The following SLC37A3 variants were observed in gnomAD, a reference collection of about 807,000 sequenced individuals.
The protein encoded by SLC37A3 is sugar phosphate exchanger 3.
In SLC37A3, 51 loss-of-function variants were observed where a neutral mutation model predicts 67.1. That is an observed-to-expected ratio of 0.76 (90% CI 0.61 to 0.96). The LOEUF is 0.96. SLC37A3 is among the 40% of genes least tolerant of loss of function. The pLI, the probability that SLC37A3 is intolerant of heterozygous loss-of-function variation, is 0.00. For synonymous variants in SLC37A3, 214 were observed against 231.4 expected (o/e 0.92, Z 0.68); for missense variants, 508 against 603.0 (o/e 0.84, Z 1.65).
At chr7:140,340,294 T>C (rs1402327946) in intron 13 of SLC37A3, among the ~76,000 whole-genome samples, 5 of 80,638 alleles carry the variant, frequency 6.2e-5, no homozygotes, top group African/African-American at 2.4e-4. Context: ...AACCTCATTC[T>C]TTTTTTTTTT....
chr7:140,339,894 G>A (rs1176579850), intron 13 of SLC37A3, among the ~76,000 whole-genome samples: 2 of 152,008 alleles, frequency 1.3e-5, no homozygotes, highest in South Asian at 2.1e-4. Context: ...CCGCCACAAC[G>A]CCCAGCCAAT....
At chr7:140,368,114 C>T (rs1315968669) in intron 4 of SLC37A3, among the ~76,000 whole-genome samples, 2 of 151,850 alleles carry the variant, frequency 1.3e-5, no homozygotes, top group East Asian at 3.9e-4. Context: ...GCGCCCAGCC[C>T]CACCTTTCTT....
intron 13 of SLC37A3, among the ~76,000 whole-genome samples, chr7:140,339,928 CG>C (rs1431484355): frequency 1.3e-5 from 2 of 151,962 alleles, no homozygotes; most frequent in African/African-American, 4.8e-5. Context: ...TTAGTAGAGA[CG>C]GGGTTTCACC....
chr7:140,364,688 A>G (rs567650560), intron 4 of SLC37A3, among the ~76,000 whole-genome samples, 197 bp from the exon 5 acceptor site: 2 of 152,192 alleles, frequency 1.3e-5, no homozygotes, highest in South Asian at 4.2e-4. Flanking sequence ...GGTCAGTAAT[A>G]CAGTGAAAAC....
chr7:140,362,747 G>A (rs1403205167), intron 5 of SLC37A3, among the ~76,000 whole-genome samples: 1 of 85,068 alleles, frequency 1.2e-5, no homozygotes, highest in Non-Finnish European at 2.5e-5. Context: ...CCCCCCACCC[G>A]GCCAGCCGCC....
chr7:140,361,939 G>A (rs1014021484), intron 5 of SLC37A3, among the ~76,000 whole-genome samples: 1 of 145,670 alleles, frequency 6.9e-6, no homozygotes, highest in Non-Finnish European at 1.5e-5. Flanking sequence ...GCCCCCCAAA[G>A]TGCCGAGATT....
At chr7:140,388,367 C>T (rs977835872) in intron 1 of SLC37A3, among the ~76,000 whole-genome samples, 4 of 146,684 alleles carry the variant, frequency 2.7e-5, no homozygotes, top group Non-Finnish European at 4.5e-5. Context: ...TGGGAGGTAG[C>T]GGTTTCAGTG....
intron 1 of SLC37A3, among the ~76,000 whole-genome samples, chr7:140,388,473 G>GA (rs11430425): frequency 0.37 from 52,151 of 141,508 alleles, 9,591 homozygotes; most frequent in Middle Eastern, 0.45. Context: ...ATTCTCTCCA[G>GA]AAAAAAAAAA....
rs1019797137 is a variant in SLC37A3 at position 140,334,591 on chromosome 7, G to C, written c.*821C>G. On this transcript the variant is annotated 3_prime_UTR_variant, in exon 15 of 15. Transcript: ENST00000326232. The stretch of plus-strand genomic sequence containing the variant: ...CAACAAATCTGGGATGGAGTGCTTC[G>C]GCTGTGAGTTACACGTCGGAATGTT... The C allele has an allele frequency of 6.6e-6, 1 of 152,558 alleles. No homozygotes were observed. The highest frequency in any genetic ancestry group is 2.4e-5 in the African/African-American group (1 of 41,418). 9.5% of individuals were successfully genotyped at this position (152,558 alleles called of 1,614,324 possible). A position where few individuals can be genotyped will look rare whatever the true frequency, so the allele number is the denominator to read the frequency against.
At chr7:140,351,571 AG>A (rs1796803173) in intron 8 of SLC37A3, 120 bp from the exon 9 acceptor site, 1 of 1,050,490 alleles carries the variant, frequency 9.5e-7, no homozygotes. Context: ...GCAGCAACGA[AG>A]GTCCAGAGAC....
At chr7:140,342,986 AGGAAG>A (rs967632462) in intron 13 of SLC37A3, among the ~76,000 whole-genome samples, 8 of 152,200 alleles carry the variant, frequency 5.3e-5, no homozygotes, top group Admixed American at 4.6e-4. Context: ...GGCGGGGCCC[AGGAAG>A]GAACGTGTAT....
At chr7:140,352,894 A>G (rs1796870578) in intron 7 of SLC37A3, among the ~76,000 whole-genome samples, 1 of 152,144 alleles carries the variant, frequency 6.6e-6, no homozygotes, top group Non-Finnish European at 1.5e-5. Flanking sequence ...GAATTTTTAA[A>G]CCGATGAGTG....
intron 3 of SLC37A3, among the ~76,000 whole-genome samples, chr7:140,377,895 A>C (rs779915618): frequency 1.3e-5 from 2 of 152,076 alleles, no homozygotes; most frequent in African/African-American, 2.4e-5. Flanking sequence ...AAATTTTTTT[A>C]TTTAAAATTA....
chr7:140,381,891 G>A (rs1798267420), intron 2 of SLC37A3, among the ~76,000 whole-genome samples: 1 of 151,714 alleles, frequency 6.6e-6, no homozygotes, highest in African/African-American at 2.4e-5. Flanking sequence ...ACACGCACCT[G>A]TAATCCCAGC....
chr7:140,352,308 C>T lies in SLC37A3; in HGVS notation c.619-162G>A, dbSNP rs562488153. The T allele has an allele frequency of 6.4e-6, 4 of 625,906 alleles. No homozygotes were observed. In the South Asian group the frequency reaches 7.8e-5, roughly 12 times the overall value. The allele number at this position is 625,906 out of a possible 1,614,324, so 38.8% of individuals were successfully genotyped here. ...AGCTTCTACTGGGCCGGGCGCCATG[C>T]AAAGTGTTCTACTCGTGTTTTCTCA... On this transcript the variant is annotated intron_variant, in intron 7 of 14. Coordinates refer to ENST00000326232, the MANE Select transcript of SLC37A3 (RefSeq NM_207113.3).
intron 5 of SLC37A3, among the ~76,000 whole-genome samples, chr7:140,361,046 C>A (rs1408417139): frequency 2.0e-5 from 3 of 152,036 alleles, no homozygotes; most frequent in Non-Finnish European, 2.9e-5. Context: ...ACAGGCACTG[C>A]AGCTCAGAAG....
At position 140,343,514 on chromosome 7, in the gene SLC37A3, C is replaced by A. The variant is rs1297833753; in HGVS notation, c.1224G>T (p.Ala408=). 5 of 1,613,954 alleles carry A rather than the reference C, an allele frequency of 3.1e-6. No homozygotes were observed. The highest frequency in any genetic ancestry group is 4.5e-5 in the East Asian group (2 of 44,896). ...GGATGAGCTCCTGGCGACCCAAGTC[C>A]GCAGAAATAGCAGAACTAATCATAT... ...PSNMISSAIS[A]DLGRQELIQR... Residue 408 remains alanine (A), a synonymous_variant, in exon 13 of 15, where the codon GCG becomes GCT. Coordinates refer to ENST00000326232, the MANE Select transcript of SLC37A3 (RefSeq NM_207113.3).
intron 8 of SLC37A3, 30 bp downstream of exon 8, chr7:140,352,032 T>A (rs1377982909): frequency 1.6e-5 from 25 of 1,589,214 alleles, no homozygotes; most frequent in Non-Finnish European, 2.1e-5. Context: ...TAGTAAGACA[T>A]TCGGAATAGA....
chr7:140,351,769 A>C (rs995852085), intron 8 of SLC37A3: 7 of 564,242 alleles, frequency 1.2e-5, no homozygotes, highest in Non-Finnish European at 1.9e-5. Flanking sequence ...GTGAAATCAG[A>C]AATACATCTA....
Sources: allele counts gnomAD v4.1 joint callset (sites outside exome capture counted in the v4.1 genomes callset), GRCh38; gene constraint gnomAD v4.1.1; transcripts MANE v1.5; gene names NCBI Gene and HGNC (gene_info 2026-07-23, HGNC 2026-07-21).